The following VPS13B variants were observed in gnomAD, a reference collection of about 807,000 sequenced individuals.
VPS13B encodes the protein intermembrane lipid transfer protein VPS13B.
A neutral mutation model predicts 426.4 loss-of-function variants in VPS13B; 285 were observed. The observed-to-expected ratio is 0.67, with a 90% CI of 0.61 to 0.74. The LOEUF is 0.74. VPS13B is among the 30% of genes least tolerant of loss of function. VPS13B has a pLI of 0.00. For missense variants in VPS13B, 4,537 were observed against 4,782.6 expected, an observed-to-expected ratio of 0.95 and a Z score of 1.51; for synonymous variants, 1,676 against 1,676.4, an observed-to-expected ratio of 1.00 and a Z score of 0.01.
intron 39 of VPS13B, among the ~76,000 whole-genome samples, chr8:99,759,274 A>T (rs906645803): frequency 6.6e-6 from 1 of 152,142 alleles, no homozygotes; most frequent in African/African-American, 2.4e-5. Context: ...CTAAATCATT[A>T]TTCCAGCATC....
At chr8:99,165,649 A>G (rs2132651207) in intron 15 of VPS13B, among the ~76,000 whole-genome samples, 1 of 152,328 alleles carries the variant, frequency 6.6e-6, no homozygotes, top group East Asian at 1.9e-4. Flanking sequence ...GGGGATTTGG[A>G]GGAAATAATG....
At chr8:99,766,607 A>G (rs759170120) in intron 39 of VPS13B, among the ~76,000 whole-genome samples, 167 bp from the exon 40 acceptor site, 35 of 152,220 alleles carry the variant, frequency 2.3e-4, no homozygotes, top group Non-Finnish European at 4.4e-4. Flanking sequence ...AAACAGGATG[A>G]ATATACAATA....
intron 21 of VPS13B, among the ~76,000 whole-genome samples, chr8:99,405,382 T>C (rs566224791): frequency 2.1e-4 from 32 of 152,342 alleles, no homozygotes; most frequent in African/African-American, 7.2e-4. Flanking sequence ...CCCTTTCCTG[T>C]CCATTCCACT....
rs1823898958 is a variant in VPS13B, at chr8:99,545,105, C to T, written c.4746-11345C>T. Among the ~76,000 whole-genome samples the T allele has an allele frequency of 2.0e-5, 3 of 152,146 alleles. No homozygotes were observed. In the South Asian group the frequency reaches 6.2e-4, roughly 32 times the overall value. ...CCACCTTCCTCTGTTCTGTACCTTG[C>T]TTTTTAAACTCTGCCATGTAAGACT... On this transcript the variant is annotated intron_variant, in intron 30 of 61. Coordinates refer to ENST00000357162, the MANE Select transcript of VPS13B (RefSeq NM_152564.5).
chr8:99,835,473 A>G, intron 53 of VPS13B, 66 bp from the exon 54 acceptor site: 1 of 1,553,336 alleles, frequency 6.4e-7, no homozygotes, highest in East Asian at 2.2e-5. Context: ...TTGCCACATT[A>G]TGTTCTGTCC....
intron 19 of VPS13B, among the ~76,000 whole-genome samples, chr8:99,357,897 A>G (rs918302142): frequency 6.6e-6 from 1 of 152,190 alleles, no homozygotes; most frequent in Non-Finnish European, 1.5e-5. Flanking sequence ...CGCAGAAGTC[A>G]GATAGACTGT....
At chr8:99,177,718 G>T (rs961908676) in intron 16 of VPS13B, among the ~76,000 whole-genome samples, 2 of 152,184 alleles carry the variant, frequency 1.3e-5, no homozygotes, top group Non-Finnish European at 2.9e-5. Context: ...TTTAAACTTA[G>T]TAAAATAGTT....
intron 39 of VPS13B, among the ~76,000 whole-genome samples, chr8:99,751,400 T>A (rs1002907947): frequency 6.6e-6 from 1 of 152,146 alleles, no homozygotes; most frequent in African/African-American, 2.4e-5. Flanking sequence ...AAAGACATAT[T>A]CAAATCTACC....
intron 29 of VPS13B, among the ~76,000 whole-genome samples, chr8:99,515,714 T>G (rs1822034897): frequency 1.3e-5 from 2 of 152,142 alleles, no homozygotes; most frequent in Admixed American, 1.3e-4. Flanking sequence ...TAGAATAAAT[T>G]ACCAGCAAAA....
At position 99,815,441 on chromosome 8, in the gene VPS13B, G is replaced by A. The variant is rs185369945; in HGVS notation, c.8098-2099G>A. ...TTCCTCTTACTTAGCCTTTTCCTTC[G>A]ATTGGGTCTTCATTTGGTTAGATGA... On this transcript the variant is annotated intron_variant, in intron 44 of 61. Transcript: ENST00000357162. Among the ~76,000 whole-genome samples, 4 of 152,080 alleles carry A rather than the reference G, an allele frequency of 2.6e-5. No individual in the cohort carries two copies. In the East Asian group the frequency reaches 5.8e-4, roughly 22 times the overall value.
At chr8:99,816,458 G>A (rs1195459516) in intron 44 of VPS13B, among the ~76,000 whole-genome samples, 1 of 152,134 alleles carries the variant, frequency 6.6e-6, no homozygotes, top group East Asian at 1.9e-4. Context: ...TGGGTGTAAA[G>A]TTGAATAACC....
intron 21 of VPS13B, among the ~76,000 whole-genome samples, chr8:99,428,364 A>G (rs201827385): frequency 1.3e-5 from 2 of 152,236 alleles, no homozygotes; most frequent in Admixed American, 6.5e-5. Context: ...TATAGAATGG[A>G]AGAAAATTTT....
intron 59 of VPS13B, 60 bp from the exon 60 acceptor site, chr8:99,870,725 C>T: frequency 2.0e-6 from 3 of 1,482,724 alleles, no homozygotes; most frequent in South Asian, 1.1e-5. Context: ...GACATCATTG[C>T]AGCATGAAAC....
intron 17 of VPS13B, among the ~76,000 whole-genome samples, chr8:99,261,386 C>T (rs979023831): frequency 2.0e-5 from 3 of 152,040 alleles, no homozygotes; most frequent in Non-Finnish European, 4.4e-5. Context: ...TAGTAATGTG[C>T]GTTATCATGG....
In VPS13B at chr8:99,835,585, C is replaced by T; in HGVS notation, c.9789C>T (p.Cys3263=). 1 of 1,614,078 alleles carries T rather than the reference C, an allele frequency of 6.2e-7. No homozygotes were observed. The highest frequency in any genetic ancestry group is 1.7e-5 in the Admixed American group (1 of 60,008). The change falls in exon 54 of 62, where the codon TGC becomes TGT. Residue 3263 remains cysteine (C), a synonymous_variant. Coordinates refer to ENST00000357162, the MANE Select transcript of VPS13B (RefSeq NM_152564.5). ...ATTGCAAAAAAATTCCCTCCGAGTG[C>T]TCAATTCATCATGAGCTGTATCATC... is the stretch of plus-strand genomic sequence containing the variant. The part of the protein sequence containing the change: ...EVYCKKIPSE[C]SIHHELYHQI...
intron 31 of VPS13B, 75 bp downstream of exon 31, chr8:99,556,728 C>G: frequency 6.8e-7 from 1 of 1,472,264 alleles, no homozygotes; most frequent in East Asian, 2.3e-5. Flanking sequence ...CAATCTTTAG[C>G]ATGTCCAACC....
intron 19 of VPS13B, among the ~76,000 whole-genome samples, chr8:99,381,695 G>A (rs550072672): frequency 2.6e-5 from 4 of 151,402 alleles, no homozygotes; most frequent in African/African-American, 4.9e-5. Context: ...TTGGCCATAT[G>A]TATATCTTCT....
At chr8:99,071,938 T>C (rs919378740) in intron 3 of VPS13B, among the ~76,000 whole-genome samples, 6 of 152,158 alleles carry the variant, frequency 3.9e-5, no homozygotes. Flanking sequence ...TTGTGGTGAT[T>C]GCTTCCAGGC....
intron 33 of VPS13B, among the ~76,000 whole-genome samples, chr8:99,633,914 A>T (rs1012136221): frequency 5.9e-5 from 9 of 151,698 alleles, no homozygotes. Context: ...AATCAATTAG[A>T]TCCAGTCTCC....
Sources: allele counts gnomAD v4.1 joint callset (sites outside exome capture counted in the v4.1 genomes callset), GRCh38; gene constraint gnomAD v4.1.1; transcripts MANE v1.5; gene names NCBI Gene and HGNC (gene_info 2026-07-23, HGNC 2026-07-21).